The following NDST4 variants were observed in gnomAD, a reference collection of about 807,000 sequenced individuals.
NDST4 encodes the protein N-heparan sulfate sulfotransferase 4.
Under a neutral mutation model 100.8 loss-of-function variants are expected in NDST4, and 63 were observed. The ratio of observed to expected loss-of-function variants is 0.62; its 90% CI spans 0.51 to 0.77. The LOEUF (loss-of-function observed/expected upper bound fraction) is 0.77, where lower values mean the gene tolerates loss of function less well. NDST4 is among the 30% of genes least tolerant of loss of function. The pLI is 0.00. For missense variants in NDST4, 943 were observed against 1,018.4 expected (o/e 0.93, Z 1.01); for synonymous variants, 377 against 361.8 (o/e 1.04, Z -0.48).
chr4:114,972,075 T>A (rs1726527104), intron 3 of NDST4, among the ~76,000 whole-genome samples: 1 of 152,076 alleles, frequency 6.6e-6, no homozygotes, highest in African/African-American at 2.4e-5. Context: ...GTGTTTTGAA[T>A]TTATATGTAT....
In NDST4 at chr4:114,865,385, C is replaced by A. The variant is rs1400086655; in HGVS notation, c.1719+5383G>T. ...GCCAGCTCTATTTTTAAACTAATGA[C>A]TGTGTACTTTTGAACATAGTCCCTT... On this transcript the variant is annotated intron_variant, in intron 7 of 13. Transcript: ENST00000264363. Among the ~76,000 whole-genome samples, 3 of 152,048 alleles carry A rather than the reference C, an allele frequency of 2.0e-5. No homozygotes were observed. In the East Asian group the frequency reaches 5.8e-4, roughly 29 times the overall value.
intron 2 of NDST4, among the ~76,000 whole-genome samples, chr4:115,039,710 A>T (rs1397704207): frequency 6.6e-6 from 1 of 152,138 alleles, no homozygotes; most frequent in Non-Finnish European, 1.5e-5. Context: ...TGTTAAGGAA[A>T]AGAAAATCAA....
At chr4:114,927,837 T>C (rs1307577608) in intron 6 of NDST4, among the ~76,000 whole-genome samples, 1 of 152,148 alleles carries the variant, frequency 6.6e-6, no homozygotes, top group African/African-American at 2.4e-5. Flanking sequence ...GGCTTTTATG[T>C]TTTAGAATTT....
In NDST4 at chr4:114,931,905, TA is replaced by T. The variant is rs558546577; in HGVS notation, c.1536+3300del. On this transcript the variant is annotated intron_variant, in intron 6 of 13. Transcript: ENST00000264363. ...TTAATGGTGTCACTGATGTATTTTA[TA>T]AAAAAAAAAATTAGAGAATTAACAT... is the stretch of plus-strand genomic sequence containing the variant. Among the ~76,000 whole-genome samples, 712 of 146,414 alleles carry T rather than the reference TA, an allele frequency of 4.9e-3. 4 individuals carry two copies. Among genetic ancestry groups the T allele is most frequent in the African/African-American group, 0.01 (411 of 40,244 alleles).
intron 1 of NDST4, among the ~76,000 whole-genome samples, chr4:115,095,572 A>T (rs562528854): frequency 6.6e-6 from 1 of 152,086 alleles, no homozygotes; most frequent in African/African-American, 2.4e-5. Flanking sequence ...CTAACTTTTC[A>T]TCTTATCAAA....
At chr4:114,911,847 T>A (rs2126215146) in intron 6 of NDST4, among the ~76,000 whole-genome samples, 1 of 152,316 alleles carries the variant, frequency 6.6e-6, no homozygotes, top group Admixed American at 6.5e-5. Context: ...ATAGCCCCTG[T>A]TTCTTTTCAC....
chr4:115,029,730 G>A (rs115118754), intron 2 of NDST4, among the ~76,000 whole-genome samples: 7,417 of 152,156 alleles, frequency 0.049, 227 homozygotes, highest in Middle Eastern at 0.095. Flanking sequence ...TGGAGGCACA[G>A]TAAAGCAGGA....
intron 1 of NDST4, among the ~76,000 whole-genome samples, chr4:115,097,215 G>A (rs1729637083): frequency 1.3e-5 from 2 of 152,084 alleles, no homozygotes; most frequent in African/African-American, 4.8e-5. Flanking sequence ...TGACTTCAAA[G>A]TTTACGCTTC....
chr4:114,839,983 GA>G (rs1456159554), intron 10 of NDST4, among the ~76,000 whole-genome samples: 2 of 152,088 alleles, frequency 1.3e-5, no homozygotes, highest in Non-Finnish European at 2.9e-5. Flanking sequence ...GATTTTGCAA[GA>G]ATAATCTTTT....
At chr4:114,854,547 C>T (rs1723749810) in intron 7 of NDST4, among the ~76,000 whole-genome samples, 1 of 152,142 alleles carries the variant, frequency 6.6e-6, no homozygotes, top group Non-Finnish European at 1.5e-5. Context: ...CGGCTCACCG[C>T]AACCTTCGCC....
At position 114,929,097 on chromosome 4, in the gene NDST4, C is replaced by T. The variant is rs6848951; in HGVS notation, c.1536+6109G>A. Among the ~76,000 whole-genome samples the T allele has an allele frequency of 7.1e-3, 891 of 126,348 alleles. 13 individuals are homozygous for T. Among genetic ancestry groups the T allele is most frequent in the East Asian group, 0.034 (149 of 4,430 alleles). 82.9% of individuals were successfully genotyped at this position (126,348 alleles called of 152,430 possible). A position where few individuals can be genotyped will look rare whatever the true frequency, so the allele number is the denominator to read the frequency against. On this transcript the variant is annotated intron_variant, in intron 6 of 13. Coordinates refer to ENST00000264363, the MANE Select transcript of NDST4 (RefSeq NM_022569.3). ...CCGTCCATCCATCCATCCATCCATC[C>T]ATCCATCCATCCATCCATCTATCTA...
intron 2 of NDST4, among the ~76,000 whole-genome samples, chr4:115,070,745 T>C (rs1729057638): frequency 1.3e-5 from 2 of 152,160 alleles, no homozygotes; most frequent in South Asian, 4.1e-4. Context: ...AAAAGATATA[T>C]TGTAGATAGC....
Position 115,010,983 on chromosome 4 carries a change from G to C in NDST4, c.979-33709C>G, listed in dbSNP as rs1002753273. The stretch of plus-strand genomic sequence containing the variant: ...AGAATTAAACATGGCAAAAATAATA[G>C]TTAATAAAGCCTATGTTGATCTTTT... On this transcript the variant is annotated intron_variant, in intron 2 of 13. Transcript: ENST00000264363. 6.6e-5 allele frequency among the ~76,000 whole-genome samples: 10 copies of C among 152,054 alleles called. No individual in the cohort carries two copies. In the East Asian group the frequency reaches 1.9e-3, roughly 29 times the overall value.
chr4:115,048,332 A>G (rs1023986163), intron 2 of NDST4, among the ~76,000 whole-genome samples: 1 of 152,202 alleles, frequency 6.6e-6, no homozygotes, highest in East Asian at 1.9e-4. Flanking sequence ...AAAACAAATC[A>G]TTGAAAGAAA....
chr4:114,940,571 G>T (rs1384488655), intron 4 of NDST4, among the ~76,000 whole-genome samples: 1 of 152,148 alleles, frequency 6.6e-6, no homozygotes, highest in Admixed American at 6.5e-5. Context: ...CAGCATGAGT[G>T]CTTCTGGGCA....
At chr4:114,997,892 G>T (rs576788403) in intron 2 of NDST4, among the ~76,000 whole-genome samples, 1 of 152,152 alleles carries the variant, frequency 6.6e-6, no homozygotes, top group East Asian at 1.9e-4. Context: ...GGTTCTAGGG[G>T]TTTTAAACTT....
chr4:114,957,181 C>T (rs1239702914), intron 4 of NDST4, among the ~76,000 whole-genome samples: 2 of 152,096 alleles, frequency 1.3e-5, no homozygotes, highest in African/African-American at 4.8e-5. Context: ...TTGTATTTGT[C>T]CATTTTTATA....
chr4:114,851,797 T>G (rs72893336), intron 8 of NDST4, among the ~76,000 whole-genome samples: 10,400 of 152,232 alleles, frequency 0.068, 391 homozygotes, highest in African/African-American at 0.094. Context: ...TAATACAATT[T>G]ATATTCCTAG....
intron 1 of NDST4, among the ~76,000 whole-genome samples, chr4:115,089,735 T>A (rs1046645968): frequency 2.6e-5 from 4 of 152,060 alleles, no homozygotes; most frequent in African/African-American, 7.2e-5. Flanking sequence ...TCAGTTAAAT[T>A]GACGTTCAAT....
Sources: allele counts gnomAD v4.1 joint callset (sites outside exome capture counted in the v4.1 genomes callset), GRCh38; gene constraint gnomAD v4.1.1; transcripts MANE v1.5; gene names NCBI Gene and HGNC (gene_info 2026-07-23, HGNC 2026-07-21).